Variants in SGCZ observed in about 807,000 individuals in gnomAD.
The protein encoded by SGCZ is zeta-sarcoglycan.
Under a neutral mutation model 41.3 loss-of-function variants are expected in SGCZ, and 40 were observed. The ratio of observed to expected loss-of-function variants is 0.97; its 90% CI spans 0.75 to 1.26. The LOEUF is 1.26. Ranked by LOEUF, SGCZ falls within the 50% of genes most tolerant of loss-of-function variation. SGCZ has a pLI of 0.00. For synonymous variants in SGCZ, 206 were observed against 137.5 expected, an observed-to-expected ratio of 1.50 and a Z score of -3.49; for missense variants, 552 against 369.8, an observed-to-expected ratio of 1.49 and a Z score of -4.04.
intron 1 of SGCZ, among the ~76,000 whole-genome samples, chr8:14,713,532 A>C (rs1182745376): frequency 1.3e-5 from 2 of 152,172 alleles, no homozygotes; most frequent in Non-Finnish European, 2.9e-5. Context: ...CGTGTTGCTA[A>C]ATGCAAATGA....
At chr8:14,246,041 A>AT (rs1347765194) in intron 3 of SGCZ, among the ~76,000 whole-genome samples, 12 of 152,298 alleles carry the variant, frequency 7.9e-5, no homozygotes, top group African/African-American at 2.9e-4. Context: ...CAGTGTGGCG[A>AT]TTCCTCAGGG....
At chr8:14,180,670 C>T (rs1321666943) in intron 4 of SGCZ, among the ~76,000 whole-genome samples, 1 of 152,122 alleles carries the variant, frequency 6.6e-6, no homozygotes, top group African/African-American at 2.4e-5. Context: ...AAGTCACCTA[C>T]TACCACACAT....
chr8:14,709,653 T>C (rs764077978), intron 1 of SGCZ, among the ~76,000 whole-genome samples: 4 of 152,042 alleles, frequency 2.6e-5, no homozygotes, highest in Non-Finnish European at 5.9e-5. Flanking sequence ...AGCAAATAAT[T>C]TCATTAATCG....
At chr8:14,716,703 C>A (rs1452698460) in intron 1 of SGCZ, among the ~76,000 whole-genome samples, 1 of 152,026 alleles carries the variant, frequency 6.6e-6, no homozygotes, top group Admixed American at 6.6e-5. Flanking sequence ...ACAGATAACA[C>A]AAGTTTCTAA....
chr8:15,103,770 A>T (rs1183377918), intron 1 of SGCZ, among the ~76,000 whole-genome samples: 3 of 152,200 alleles, frequency 2.0e-5, no homozygotes, highest in African/African-American at 7.2e-5. Flanking sequence ...ACCATTAAAC[A>T]GTAAATTCCC....
intron 1 of SGCZ, among the ~76,000 whole-genome samples, chr8:14,739,833 G>A (rs1379770935): frequency 6.6e-6 from 1 of 151,814 alleles, no homozygotes; most frequent in African/African-American, 2.4e-5. Flanking sequence ...AGGTCAACAG[G>A]GGCTTCCATT....
chr8:14,869,276 G>A (rs1002304268), intron 1 of SGCZ, among the ~76,000 whole-genome samples: 1 of 152,106 alleles, frequency 6.6e-6, no homozygotes, highest in Admixed American at 6.5e-5. Flanking sequence ...ATGCAAGCCT[G>A]GTTTAACATA....
rs10102640 is a variant in SGCZ, at chr8:14,938,839, T to C, written c.39+298746A>G. On this transcript the variant is annotated intron_variant, in intron 1 of 7. Coordinates refer to ENST00000382080, the MANE Select transcript of SGCZ (RefSeq NM_139167.4). ...TTTTTTTTTTTTACATCTTTACAAG[T>C]TCATTACAGATGCAACCTCCCATTT... Among the ~76,000 whole-genome samples, 601 of 152,166 alleles carry C rather than the reference T, an allele frequency of 3.9e-3. 4 individuals carry two copies. The highest frequency in any genetic ancestry group is 0.028 in the East Asian group (142 of 5,152).
chr8:14,526,494 T>A (rs75361355), intron 2 of SGCZ, among the ~76,000 whole-genome samples: 6,066 of 152,284 alleles, frequency 0.04, 302 homozygotes, highest in African/African-American at 0.093. Flanking sequence ...AATGTTAAGT[T>A]TGAATTACAA....
chr8:14,830,826 C>A (rs576337069), intron 1 of SGCZ, among the ~76,000 whole-genome samples: 1 of 151,922 alleles, frequency 6.6e-6, no homozygotes, highest in Non-Finnish European at 1.5e-5. Flanking sequence ...TCACACTAAA[C>A]GAAAACATGT....
At chr8:14,912,964 C>T (rs1020597588) in intron 1 of SGCZ, among the ~76,000 whole-genome samples, 3 of 151,900 alleles carry the variant, frequency 2.0e-5, no homozygotes, top group Non-Finnish European at 4.4e-5. Flanking sequence ...TTTAATCATT[C>T]TTGTTTGGTT....
chr8:14,475,333 A>C (rs12681986), intron 2 of SGCZ, among the ~76,000 whole-genome samples: 2,603 of 152,256 alleles, frequency 0.017, 41 homozygotes, highest in East Asian at 0.082. Context: ...AATACAAGTA[A>C]AGCAACTAAT....
chr8:15,013,477 C>T (rs765765114), intron 1 of SGCZ, among the ~76,000 whole-genome samples: 1 of 152,124 alleles, frequency 6.6e-6, no homozygotes, highest in Non-Finnish European at 1.5e-5. Flanking sequence ...CACGTGAAAT[C>T]ACTTAAGTAA....
At chr8:14,985,224 A>G (rs1369701918) in intron 1 of SGCZ, among the ~76,000 whole-genome samples, 1 of 152,190 alleles carries the variant, frequency 6.6e-6, no homozygotes, top group African/African-American at 2.4e-5. Flanking sequence ...AACTGTATCA[A>G]GGTGCCTTTT....
intron 1 of SGCZ, among the ~76,000 whole-genome samples, chr8:14,587,285 A>T (rs1805090684): frequency 6.6e-6 from 1 of 151,738 alleles, no homozygotes; most frequent in African/African-American, 2.4e-5. Flanking sequence ...AACTGAAAAA[A>T]ATGTTTAATT....
chr8:14,927,256 C>A (rs1040431077), intron 1 of SGCZ, among the ~76,000 whole-genome samples: 1 of 151,768 alleles, frequency 6.6e-6, no homozygotes, highest in Admixed American at 6.6e-5. Flanking sequence ...CTACAGGCGT[C>A]CGCCACCACG....
At chr8:14,095,434 A>G (rs1801813172) in intron 7 of SGCZ, among the ~76,000 whole-genome samples, 1 of 152,118 alleles carries the variant, frequency 6.6e-6, no homozygotes, top group Non-Finnish European at 1.5e-5. Flanking sequence ...AGATGGTCGT[A>G]GATGTATGGT....
intron 1 of SGCZ, among the ~76,000 whole-genome samples, chr8:14,746,552 A>G (rs1799345142): frequency 6.6e-6 from 1 of 152,174 alleles, no homozygotes; most frequent in Non-Finnish European, 1.5e-5. Context: ...GGATGTGTAA[A>G]TAAAATAAAT....
intron 1 of SGCZ, among the ~76,000 whole-genome samples, chr8:15,211,220 C>A (rs887044762): frequency 4.0e-5 from 6 of 151,508 alleles, no homozygotes; most frequent in African/African-American, 1.5e-4. Flanking sequence ...ATAATACATA[C>A]TCACATACTT....
Sources: allele counts gnomAD v4.1 joint callset (sites outside exome capture counted in the v4.1 genomes callset), GRCh38; gene constraint gnomAD v4.1.1; transcripts MANE v1.5; gene names NCBI Gene and HGNC (gene_info 2026-07-23, HGNC 2026-07-21).